Variants in GLIS3 observed in about 807,000 individuals in gnomAD.
The protein encoded by GLIS3 is GLIS family zinc finger 3, also known as zinc finger protein GLIS3.
GLIS3 carries 53 observed loss-of-function variants against 78.6 expected under a neutral mutation model. The ratio of observed to expected loss-of-function variants is 0.67; its 90% CI spans 0.54 to 0.85. The LOEUF (loss-of-function observed/expected upper bound fraction) is 0.85, where lower values mean the gene tolerates loss of function less well. GLIS3 is among the 40% of genes least tolerant of loss of function. The pLI, the probability that GLIS3 is intolerant of heterozygous loss-of-function variation, is 0.00. For missense variants in GLIS3, 1,703 were observed against 1,231.1 expected (o/e 1.38, Z -5.74); for synonymous variants, 684 against 509.9 (o/e 1.34, Z -4.60).
intron 2 of GLIS3, among the ~76,000 whole-genome samples, chr9:4,203,121 T>G (rs534627716): frequency 2.6e-5 from 4 of 152,232 alleles, no homozygotes; most frequent in Admixed American, 2.6e-4. Context: ...CTTAAACAAT[T>G]GAACAAGCAA....
chr9:4,063,705 G>C (rs1309810818), intron 4 of GLIS3, among the ~76,000 whole-genome samples: 1 of 152,140 alleles, frequency 6.6e-6, no homozygotes, highest in African/African-American at 2.4e-5. Context: ...ACAAATATTA[G>C]AAAGGATTAC....
the GLIS3 span, among the ~76,000 whole-genome samples, chr9:4,368,362 G>A: frequency 1.4e-5 from 2 of 147,414 alleles, no homozygotes; most frequent in Admixed American, 1.4e-4. Flanking sequence ...TTTTGGAGAC[G>A]GAGTCTGAGT....
At chr9:3,948,689 G>A (rs1816464414) in intron 4 of GLIS3, among the ~76,000 whole-genome samples, 1 of 152,182 alleles carries the variant, frequency 6.6e-6, no homozygotes, top group Non-Finnish European at 1.5e-5. Flanking sequence ...TAAATTTGAT[G>A]AGAATATGGG....
chr9:4,191,182 A>C (rs2064985), intron 2 of GLIS3, among the ~76,000 whole-genome samples: 37,631 of 148,834 alleles, frequency 0.25, 6,067 homozygotes, highest in South Asian at 0.46. Flanking sequence ...CACACATAAC[A>C]ATATTAACTT....
intron 4 of GLIS3, among the ~76,000 whole-genome samples, chr9:4,064,246 A>G (rs772822629): frequency 3.3e-5 from 5 of 152,196 alleles, no homozygotes; most frequent in Non-Finnish European, 7.3e-5. Context: ...TAAATTCTAC[A>G]AGGAATAAAG....
rs781124953 is a variant in GLIS3 at position 3,828,295 on chromosome 9, A to G, written c.2770T>C (p.Ser924Pro). Reference sequence around the variant, plus strand: ...TTTTAGCCTTCGGTGTAGACAGAGGAGAGCTGGCTAGGACAGCGGTCCACG... The same window carrying G: ...TTTTAGCCTTCGGTGTAGACAGAGGGGAGCTGGCTAGGACAGCGGTCCACG... ...STVDRCPSQL[S>P]SVYTEG Residue 924 changes from serine to proline, a missense_variant, in exon 11 of 11, where the codon TCC (serine) becomes CCC (proline). Physicochemically the swap from Ser to Pro is moderately conservative, Grantham distance 74. Coordinates refer to ENST00000381971, the MANE Select transcript of GLIS3 (RefSeq NM_001042413.2). 1.2e-6 allele frequency: 2 copies of G among 1,614,004 alleles called. No individual in the cohort carries two copies. Among genetic ancestry groups the G allele is most frequent in the Non-Finnish European group, 1.7e-6 (2 of 1,180,030 alleles).
At chr9:4,137,883 T>C (rs1168671345) in intron 2 of GLIS3, among the ~76,000 whole-genome samples, 2 of 152,230 alleles carry the variant, frequency 1.3e-5, no homozygotes, top group Non-Finnish European at 2.9e-5. Context: ...CACATTTTAC[T>C]GCTTCTCCCT....
chr9:4,263,957 G>T (rs1488297964), intron 2 of GLIS3, among the ~76,000 whole-genome samples: 4 of 151,992 alleles, frequency 2.6e-5, no homozygotes, highest in Non-Finnish European at 5.9e-5. Context: ...GTCCTTTGCA[G>T]TCTTATGACA....
At chr9:4,068,472 G>GA in intron 4 of GLIS3, among the ~76,000 whole-genome samples, 1 of 152,188 alleles carries the variant, frequency 6.6e-6, no homozygotes, top group East Asian at 1.9e-4. Flanking sequence ...TGTAGGCAAA[G>GA]AAAAAAGGCT....
At chr9:3,852,873 C>T (rs1225819483) in intron 9 of GLIS3, among the ~76,000 whole-genome samples, 1 of 152,118 alleles carries the variant, frequency 6.6e-6, no homozygotes, top group South Asian at 2.1e-4. Flanking sequence ...CTGATATTAG[C>T]AGTTTCTCAT....
At chr9:3,914,320 C>T (rs554397168) in intron 6 of GLIS3, among the ~76,000 whole-genome samples, 7 of 117,524 alleles carry the variant, frequency 6.0e-5, no homozygotes, top group East Asian at 2.4e-4. Context: ...TAAGTTTTTT[C>T]AGATTTTTGG....
chr9:3,936,976 T>G (rs1391638827), intron 5 of GLIS3, 52 bp downstream of exon 5: 53 of 1,609,940 alleles, frequency 3.3e-5, no homozygotes, highest in Non-Finnish European at 4.4e-5. Context: ...AAGCAGGCAC[T>G]TCCTCACACC....
At chr9:4,185,176 C>T (rs1817676511) in intron 2 of GLIS3, among the ~76,000 whole-genome samples, 1 of 152,192 alleles carries the variant, frequency 6.6e-6, no homozygotes. Flanking sequence ...TTTTTTAACA[C>T]TTTGTACCAA....
At position 3,977,447 on chromosome 9, in the gene GLIS3, A is replaced by G. The variant is rs1221735856; in HGVS notation, c.1711-40258T>C. Among the ~76,000 whole-genome samples the G allele has an allele frequency of 1.3e-5, 2 of 152,160 alleles. No homozygotes were observed. Among genetic ancestry groups the G allele is most frequent in the African/African-American group, 4.8e-5 (2 of 41,438 alleles). ...CACTAGTGCTATTATTAAAAAGACT[A>G]ATGAGAGCTGCTCGGTAAGAAAAGA... On this transcript the variant is annotated intron_variant, in intron 4 of 10. Coordinates refer to ENST00000381971, the MANE Select transcript of GLIS3 (RefSeq NM_001042413.2). The surrounding 1 kb of genome is among the most constrained non-coding windows in gnomAD (Gnocchi z 4.1).
the GLIS3 span, among the ~76,000 whole-genome samples, chr9:4,423,095 C>T: frequency 1.3e-5 from 2 of 151,856 alleles, no homozygotes; most frequent in Non-Finnish European, 2.9e-5. Flanking sequence ...AGGTGGGGTC[C>T]CCTGAAAAAG....
chr9:4,458,814 A>G, the GLIS3 span, among the ~76,000 whole-genome samples: 2 of 152,150 alleles, frequency 1.3e-5, no homozygotes, highest in South Asian at 2.1e-4. Context: ...ACAAGTGAAA[A>G]TGTCTGGGAG....
Position 4,265,928 on chromosome 9 carries a change from G to GTTTC in GLIS3, c.388+20109_388+20110insGAAA, listed in dbSNP as rs1385861165. ...TTTTTGTTTGTCTGTTTGTTTGTTT[G>GTTTC]TTTGTTTGGAGACGGAGTCTCACTC... On this transcript the variant is annotated intron_variant, in intron 2 of 10. Coordinates refer to ENST00000381971, the MANE Select transcript of GLIS3 (RefSeq NM_001042413.2). Among the ~76,000 whole-genome samples the GTTTC allele has an allele frequency of 1.1e-4, 15 of 131,426 alleles. 1 individual carries two copies. In the Admixed American group the frequency reaches 1.2e-3, roughly 11 times the overall value. The allele number at this position is 131,426 out of a possible 152,430, so 86.2% of individuals were successfully genotyped here.
chr9:4,355,173 C>T, the GLIS3 span, among the ~76,000 whole-genome samples: 1 of 151,814 alleles, frequency 6.6e-6, no homozygotes, highest in East Asian at 1.9e-4. Context: ...AGAGAGAGTT[C>T]CCTGAGTCAA....
At chr9:4,109,640 C>G (rs972519666) in intron 4 of GLIS3, among the ~76,000 whole-genome samples, 42 of 152,296 alleles carry the variant, frequency 2.8e-4, no homozygotes, top group African/African-American at 9.9e-4. Flanking sequence ...ATGCTACCCT[C>G]CTAAGATATT....
Sources: gnomAD v4.1 joint callset for allele counts (sites outside exome capture counted in the v4.1 genomes callset) on GRCh38, gnomAD v4.1.1 for gene constraint, Gnocchi (gnomAD v3.1) non-coding constraint, MANE v1.5 for transcripts, NCBI Gene and HGNC (gene_info 2026-07-23, HGNC 2026-07-21) for gene names.